Variants in DPH6 observed in about 807,000 individuals in gnomAD.
DPH6 encodes diphthine--ammonia ligase.
DPH6 carries 33 observed loss-of-function variants against 38.2 expected under a neutral mutation model. The ratio of observed to expected loss-of-function variants is 0.86; its 90% CI spans 0.65 to 1.15. DPH6 has a LOEUF of 1.15. DPH6 is among the 50% of genes most tolerant of loss of function. DPH6 has a pLI of 0.00. For synonymous variants in DPH6, 108 were observed against 103.0 expected, an observed-to-expected ratio of 1.05 and a Z score of -0.30; for missense variants, 325 against 320.0, an observed-to-expected ratio of 1.02 and a Z score of -0.12.
chr15:35,400,674 C>T (rs1290963123), intron 6 of DPH6: 2 of 638,592 alleles, frequency 3.1e-6, no homozygotes, highest in East Asian at 2.6e-5. Flanking sequence ...ATTAAAGTCT[C>T]TCTTCCCCCT....
chr15:35,392,898 A>G (rs1055623024), intron 6 of DPH6, among the ~76,000 whole-genome samples: 2 of 152,230 alleles, frequency 1.3e-5, no homozygotes, highest in South Asian at 2.1e-4. Flanking sequence ...GTTAAATCCC[A>G]GAGCACATGA....
chr15:35,419,728 C>A (rs2053481286), intron 5 of DPH6, among the ~76,000 whole-genome samples: 1 of 152,086 alleles, frequency 6.6e-6, no homozygotes, highest in Non-Finnish European at 1.5e-5. Flanking sequence ...GATTAAGAAT[C>A]CAATTCATCA....
At chr15:35,537,829 A>G (rs542295208) in intron 3 of DPH6, among the ~76,000 whole-genome samples, 1 of 152,030 alleles carries the variant, frequency 6.6e-6, no homozygotes, top group Non-Finnish European at 1.5e-5. Context: ...CAAGCATGTT[A>G]TTTATTGTTT....
At chr15:35,282,822 C>T (rs527636270) in intron 3 of DPH6, 63 of 334,298 alleles carry the variant, frequency 1.9e-4, no homozygotes, top group South Asian at 4.9e-4. Context: ...CATCAGCCCA[C>T]GCCAGCTGCA....
At chr15:35,469,698 A>G (rs894290876) in intron 3 of DPH6, among the ~76,000 whole-genome samples, 3 of 152,192 alleles carry the variant, frequency 2.0e-5, no homozygotes, top group East Asian at 1.9e-4. Context: ...AGGTCATTCA[A>G]TGCAAGGTAT....
intron 3 of DPH6, among the ~76,000 whole-genome samples, chr15:35,285,482 T>C (rs2051934848): frequency 6.6e-6 from 1 of 152,202 alleles, no homozygotes; most frequent in Admixed American, 6.5e-5. Context: ...GCCATCCACA[T>C]AAGATGTGAC....
At chr15:35,349,287 T>G (rs2052488675) in intron 3 of DPH6, among the ~76,000 whole-genome samples, 1 of 152,206 alleles carries the variant, frequency 6.6e-6, no homozygotes, top group South Asian at 2.1e-4. Flanking sequence ...AAATAATAGC[T>G]ATAAGCTTTT....
chr15:35,537,537 G>GTA (rs1244461465), intron 3 of DPH6, among the ~76,000 whole-genome samples: 1 of 152,078 alleles, frequency 6.6e-6, no homozygotes, highest in East Asian at 1.9e-4. Context: ...CATTTACTGA[G>GTA]TATAGTAACT....
In DPH6 at chr15:35,460,903, TA is replaced by T. The variant is rs549293460; in HGVS notation, c.313-6084del. Among the ~76,000 whole-genome samples the T allele has an allele frequency of 1.2e-3, 133 of 114,750 alleles. 1 individual carries two copies. Among genetic ancestry groups the T allele is most frequent in the African/African-American group, 3.3e-3 (100 of 30,106 alleles). 75.3% of individuals were successfully genotyped at this position (114,750 alleles called of 152,430 possible). Reference sequence around the variant, plus strand: ...AAGCAAAGAGATACTCACAAACTGGTAAAAAAAAAAAAAAAAAAGGTTCATT... The same window carrying T: ...AAGCAAAGAGATACTCACAAACTGGTAAAAAAAAAAAAAAAAAGGTTCATT... On this transcript the variant is annotated intron_variant, in intron 3 of 8. Coordinates refer to ENST00000256538, the MANE Select transcript of DPH6 (RefSeq NM_080650.4).
chr15:35,351,181 T>C (rs532379764), intron 3 of DPH6, among the ~76,000 whole-genome samples: 58 of 152,262 alleles, frequency 3.8e-4, no homozygotes, highest in African/African-American at 1.4e-3. Context: ...CTTGTGACAA[T>C]TTTTGACTTA....
chr15:35,426,159 T>C (rs1055210360), intron 5 of DPH6, among the ~76,000 whole-genome samples: 5 of 151,592 alleles, frequency 3.3e-5, no homozygotes, highest in Middle Eastern at 3.4e-3. Context: ...TTACAACACA[T>C]GTTGGGAGTT....
At chr15:35,444,474 G>A (rs990909590) in intron 5 of DPH6, among the ~76,000 whole-genome samples, 1 of 152,142 alleles carries the variant, frequency 6.6e-6, no homozygotes, top group Non-Finnish European at 1.5e-5. Context: ...GGCATCCTTA[G>A]CTTGGCTACT....
At chr15:35,192,784 T>C in the DPH6 span, among the ~76,000 whole-genome samples, 1 of 152,238 alleles carries the variant, frequency 6.6e-6, no homozygotes, top group African/African-American at 2.4e-5. Context: ...TATGCATCTA[T>C]AACATCAACA....
At chr15:35,221,800 T>C (rs2051445067) in intron 3 of DPH6, among the ~76,000 whole-genome samples, 1 of 152,210 alleles carries the variant, frequency 6.6e-6, no homozygotes. Context: ...AGTGGTTACA[T>C]TCTGCTTTCT....
the DPH6 span, among the ~76,000 whole-genome samples, chr15:35,199,697 C>G: frequency 1.3e-5 from 2 of 150,714 alleles, no homozygotes; most frequent in South Asian, 4.2e-4. Flanking sequence ...CTAGAGATTG[C>G]TTATGTCAGA....
At chr15:35,173,711 C>T in the DPH6 span, among the ~76,000 whole-genome samples, 5 of 151,896 alleles carry the variant, frequency 3.3e-5, no homozygotes, top group African/African-American at 9.7e-5. Flanking sequence ...GCAGCCATGT[C>T]GAATTAACAG....
chr15:35,303,601 C>A (rs987372375), intron 3 of DPH6, among the ~76,000 whole-genome samples: 1 of 151,306 alleles, frequency 6.6e-6, no homozygotes, highest in African/African-American at 2.4e-5. Flanking sequence ...TGTGACGTTA[C>A]AGCTTTGCAA....
chr15:35,462,862 T>A (rs989552747), intron 3 of DPH6, among the ~76,000 whole-genome samples: 5 of 152,182 alleles, frequency 3.3e-5, no homozygotes, highest in African/African-American at 9.7e-5. Context: ...AACTGAATGA[T>A]GTGGACTACA....
At chr15:35,251,704 T>C (rs541057873) in intron 3 of DPH6, among the ~76,000 whole-genome samples, 1 of 152,314 alleles carries the variant, frequency 6.6e-6, no homozygotes, top group African/African-American at 2.4e-5. Flanking sequence ...TCCTGTTGTA[T>C]TGACTCATAA....
Sources: allele counts gnomAD v4.1 joint callset (sites outside exome capture counted in the v4.1 genomes callset), GRCh38; gene constraint gnomAD v4.1.1; transcripts MANE v1.5; gene names NCBI Gene and HGNC (gene_info 2026-07-23, HGNC 2026-07-21).